Variants in WWOX observed in about 807,000 individuals in gnomAD.
WWOX encodes WW domain-containing oxidoreductase.
Under a neutral mutation model 46.2 loss-of-function variants are expected in WWOX, and 69 were observed. The ratio of observed to expected loss-of-function variants is 1.49; its 90% CI spans 1.23 to 1.82. The LOEUF is 1.82. Ranked by LOEUF, WWOX falls within the 40% of genes most tolerant of loss-of-function variation. The pLI, the probability that WWOX is intolerant of heterozygous loss-of-function variation, is 0.00. For synonymous variants in WWOX, 359 were observed against 202.6 expected (o/e 1.77, Z -6.56); for missense variants, 919 against 542.6 (o/e 1.69, Z -6.89).
At chr16:78,941,865 T>C (rs2045858675) in intron 8 of WWOX, among the ~76,000 whole-genome samples, 1 of 152,208 alleles carries the variant, frequency 6.6e-6, no homozygotes, top group African/African-American at 2.4e-5. Flanking sequence ...TGGTGGTTCT[T>C]TTTGCCCACT....
chr16:78,874,038 G>A (rs1412169026), intron 8 of WWOX, among the ~76,000 whole-genome samples: 1 of 151,852 alleles, frequency 6.6e-6, no homozygotes, highest in Non-Finnish European at 1.5e-5. Context: ...GGGGTGGGCG[G>A]ATCACAAGGT....
At chr16:78,743,728 CA>C (rs1262043469) in intron 8 of WWOX, among the ~76,000 whole-genome samples, 1 of 152,150 alleles carries the variant, frequency 6.6e-6, no homozygotes, top group Non-Finnish European at 1.5e-5. Context: ...AACTTCGCTT[CA>C]CCCTCTGATT....
intron 8 of WWOX, chr16:78,551,724 G>C (rs1357509015): frequency 6.7e-6 from 1 of 149,624 alleles, no homozygotes; most frequent in Non-Finnish European, 1.5e-5. Context: ...AGCCTCCCAT[G>C]AAGCATCCTG....
At chr16:79,077,768 C>G (rs1013100623) in intron 8 of WWOX, 10 of 151,472 alleles carry the variant, frequency 6.6e-5, no homozygotes, top group African/African-American at 2.2e-4. Context: ...TTATCATTTG[C>G]TAATAGAGAT....
chr16:79,052,526 C>T (rs997568535), intron 8 of WWOX, among the ~76,000 whole-genome samples: 2 of 152,194 alleles, frequency 1.3e-5, no homozygotes, highest in East Asian at 3.8e-4. Context: ...AGACTTGGAA[C>T]CAACCCAAAT....
intron 8 of WWOX, among the ~76,000 whole-genome samples, chr16:78,752,514 C>A (rs1240713332): frequency 6.6e-6 from 1 of 152,196 alleles, no homozygotes; most frequent in East Asian, 1.9e-4. Flanking sequence ...TTTCTAACTC[C>A]TGACCTCAGG....
intron 8 of WWOX, among the ~76,000 whole-genome samples, chr16:79,014,061 T>G (rs2047365343): frequency 6.6e-6 from 1 of 152,212 alleles, no homozygotes; most frequent in South Asian, 2.1e-4. Flanking sequence ...TGAGAGCCGC[T>G]GGGGAACTGA....
At chr16:78,559,662 A>G (rs896721251) in intron 8 of WWOX, among the ~76,000 whole-genome samples, 1 of 152,098 alleles carries the variant, frequency 6.6e-6, no homozygotes, top group Non-Finnish European at 1.5e-5. Flanking sequence ...GTATTCCGGG[A>G]GGATTTTCTT....
chr16:78,538,886 T>G (rs1225744485), intron 8 of WWOX, among the ~76,000 whole-genome samples: 2 of 152,250 alleles, frequency 1.3e-5, no homozygotes, highest in Non-Finnish European at 2.9e-5. Context: ...TGAGATGCAT[T>G]TGAAAACTTA....
chr16:78,864,468 C>G (rs922296648), intron 8 of WWOX, among the ~76,000 whole-genome samples: 1 of 151,962 alleles, frequency 6.6e-6, no homozygotes, highest in Non-Finnish European at 1.5e-5. Context: ...AAGGTTTCTC[C>G]ATGTTGCCAA....
intron 8 of WWOX, among the ~76,000 whole-genome samples, chr16:78,857,190 A>C (rs1345101547): frequency 1.3e-5 from 2 of 152,220 alleles, no homozygotes; most frequent in East Asian, 3.8e-4. Flanking sequence ...GAAAAATGTG[A>C]ACCTCCTAAT....
intron 8 of WWOX, among the ~76,000 whole-genome samples, chr16:78,902,941 A>C (rs983741282): frequency 3.3e-5 from 5 of 152,228 alleles, no homozygotes; most frequent in Non-Finnish European, 7.3e-5. Flanking sequence ...GTCGCGGCTG[A>C]GTCGAGGATC....
chr16:78,600,678 G>C (rs2045600473), intron 8 of WWOX, among the ~76,000 whole-genome samples: 2 of 152,134 alleles, frequency 1.3e-5, no homozygotes. Context: ...CCTGGTAGCT[G>C]ATGAAACTGC....
At chr16:78,907,741 C>A (rs1444599631) in intron 8 of WWOX, among the ~76,000 whole-genome samples, 1 of 152,100 alleles carries the variant, frequency 6.6e-6, no homozygotes, top group African/African-American at 2.4e-5. Flanking sequence ...TTAGATGGGG[C>A]CAGGAGGGTT....
intron 8 of WWOX, among the ~76,000 whole-genome samples, chr16:78,778,466 C>G (rs1051529146): frequency 6.6e-6 from 1 of 152,174 alleles, no homozygotes; most frequent in Non-Finnish European, 1.5e-5. Context: ...ACTGGGATGT[C>G]ACATGTTCAG....
chr16:78,228,060 C>T (rs369910199), intron 5 of WWOX, among the ~76,000 whole-genome samples: 99 of 152,044 alleles, frequency 6.5e-4, no homozygotes, highest in African/African-American at 2.3e-3. Flanking sequence ...ACAGCACCTG[C>T]CCAGGGCTAT....
intron 8 of WWOX, among the ~76,000 whole-genome samples, chr16:78,993,737 A>G (rs1231711174): frequency 6.6e-6 from 1 of 152,148 alleles, no homozygotes; most frequent in African/African-American, 2.4e-5. Flanking sequence ...TGGTGCTAAT[A>G]TTTATATAAC....
rs369905283 is a variant in WWOX, at chr16:78,995,618, G to T, written c.1057-215990G>T. ...GAGAAAGAGAAAAAACTGCAAAACC[G>T]CAAACTGGCTTGTTCTTATGTGGTT... On this transcript the variant is annotated intron_variant, in intron 8 of 8. Coordinates refer to ENST00000566780, the MANE Select transcript of WWOX (RefSeq NM_016373.4). 9.6e-4 allele frequency among the ~76,000 whole-genome samples: 146 copies of T among 152,024 alleles called. 3 individuals carry two copies. The South Asian group carries it at 0.026, about 27-fold the overall frequency.
Position 78,390,853 on chromosome 16 carries a change from C to G in WWOX, c.605+3905C>G, listed in dbSNP as rs188299719. Reference sequence around the variant, plus strand: ...GAACCAATCTCTTTTCACGCTGTTGCATTGAGGAGAGGAAAAAATCCCTTA... The same window carrying G: ...GAACCAATCTCTTTTCACGCTGTTGGATTGAGGAGAGGAAAAAATCCCTTA... On this transcript the variant is annotated intron_variant, in intron 6 of 8. Coordinates refer to ENST00000566780, the MANE Select transcript of WWOX (RefSeq NM_016373.4). 2.0e-5 allele frequency among the ~76,000 whole-genome samples: 3 copies of G among 152,284 alleles called. No homozygotes were observed. In the East Asian group the frequency reaches 5.8e-4, roughly 29 times the overall value.
Sources: gnomAD v4.1 joint callset for allele counts (sites outside exome capture counted in the v4.1 genomes callset) on GRCh38, gnomAD v4.1.1 for gene constraint, MANE v1.5 for transcripts, NCBI Gene and HGNC (gene_info 2026-07-23, HGNC 2026-07-21) for gene names.